Variants in URB1 observed in about 807,000 individuals in gnomAD.
The protein encoded by URB1 is URB1 ribosome biogenesis factor.
In URB1, 197 loss-of-function variants were observed where a neutral mutation model predicts 242.3. The observed-to-expected ratio is 0.81, with a 90% CI of 0.72 to 0.91. The LOEUF is 0.91. Ranked by LOEUF, URB1 falls within the 40% of genes least tolerant of loss-of-function variation. The pLI is 0.00. For synonymous variants in URB1, 1,153 were observed against 1,201.8 expected, an observed-to-expected ratio of 0.96 and a Z score of 0.84; for missense variants, 2,721 against 2,860.5, an observed-to-expected ratio of 0.95 and a Z score of 1.11.
intron 36 of URB1, among the ~76,000 whole-genome samples, chr21:32,318,372 C>G (rs1265518869): frequency 6.6e-6 from 1 of 152,128 alleles, no homozygotes; most frequent in East Asian, 1.9e-4. Context: ...TCCCTGAATT[C>G]CAAGACAGTT....
Position 32,368,497 on chromosome 21 carries a change from G to A in URB1, c.1103C>T (p.Pro368Leu), listed in dbSNP as rs759025984. 7 of 1,551,736 alleles carry A rather than the reference G, an allele frequency of 4.5e-6. No individual in the cohort carries two copies. Among genetic ancestry groups the A allele is most frequent in the African/African-American group, 1.4e-5 (1 of 73,116 alleles). Residue 368 changes from proline to leucine, a missense_variant, in exon 9 of 39, where the codon CCG (proline) becomes CTG (leucine). Coordinates refer to ENST00000382751, the MANE Select transcript of URB1 (RefSeq NM_014825.3). Reference protein sequence around the residue: ...DLVVNILKVCPDLLNKYFKEV... With the variant: ...DLVVNILKVCLDLLNKYFKEV... ...CTTGAAGTATTTGTTCAGTAAGTCC[G>A]GGCACACTTTGAGGATGTTTACCAC...
intron 30 of URB1, among the ~76,000 whole-genome samples, chr21:32,329,721 A>G (rs1176474444): frequency 6.6e-6 from 1 of 152,244 alleles, no homozygotes; most frequent in African/African-American, 2.4e-5. Flanking sequence ...ACTGGCAGCC[A>G]CATATAAAAA....
rs775756936 is a variant in URB1 at position 32,355,496 on chromosome 21, T to C, written c.2059A>G (p.Asn687Asp). The change falls in exon 16 of 39, where the codon AAC (asparagine) becomes GAC (aspartate). Residue 687 changes from asparagine (N) to aspartate (D), a missense_variant. Physicochemically the swap from Asn to Asp is conservative, Grantham distance 23 (BLOSUM62 1). Coordinates refer to ENST00000382751, the MANE Select transcript of URB1 (RefSeq NM_014825.3). ...GTCTCTTTGTCCTCTTCCATGGTGT[T>C]CTCTAAATGCTCCAGCCAGAGCTCC... is the stretch of plus-strand genomic sequence containing the variant. ...ELELWLEHLE[N>D]TMEEDKETVI... 1.9e-6 allele frequency: 3 copies of C among 1,551,804 alleles called. No individual in the cohort carries two copies. Among genetic ancestry groups the C allele is most frequent in the Non-Finnish European group, 2.6e-6 (3 of 1,147,034 alleles).
intron 35 of URB1, among the ~76,000 whole-genome samples, chr21:32,320,012 G>C (rs1467906620): frequency 6.6e-6 from 1 of 152,192 alleles, no homozygotes; most frequent in Non-Finnish European, 1.5e-5. Context: ...AACAGCAGGA[G>C]AATCAGGAAT....
At chr21:32,332,464 G>A (rs1449269708) in intron 30 of URB1, among the ~76,000 whole-genome samples, 3 of 16,500 alleles carry the variant, frequency 1.8e-4, no homozygotes, top group African/African-American at 3.1e-4. Context: ...CTCAATAGTT[G>A]AAAAAAGAAA....
chr21:32,351,812 A>C (rs558361720), intron 19 of URB1, among the ~76,000 whole-genome samples: 15 of 152,342 alleles, frequency 9.8e-5, no homozygotes, highest in African/African-American at 3.1e-4. Flanking sequence ...ACTGTGGCCT[A>C]CGTGTGGGGG....
rs375132843 is a variant in URB1, at chr21:32,361,963, G to T, written c.1568C>A (p.Thr523Asn). 4.0e-5 allele frequency: 62 copies of T among 1,551,448 alleles called. No individual in the cohort carries two copies. The highest frequency in any genetic ancestry group is 5.3e-5 in the Non-Finnish European group (61 of 1,146,906). ...CTGCCCTTTCTTGTCATCCTGTTTG[G>T]TCTCTTGCTTTTTAAGTGACTGCCA... ...WVWQSLKKQE[T>N]KQDDKKGQKR... Residue 523 changes from threonine (T) to asparagine (N), a missense_variant, in exon 12 of 39, where the codon ACC becomes AAC. Physicochemically the swap from Thr to Asn is moderately conservative, Grantham distance 65. Coordinates refer to ENST00000382751, the MANE Select transcript of URB1 (RefSeq NM_014825.3).
Position 32,355,481 on chromosome 21 carries a change from CCTCTTCCATGGTGTT to C in URB1, c.2059_2073del (p.Asn687_Glu691del), listed in dbSNP as rs1354026989. On this transcript the variant is annotated inframe_deletion, in exon 16 of 39. Transcript: ENST00000382751. Reference sequence around the variant, plus strand: ...AGAAACTGAATCACAGTCTCTTTGTCCTCTTCCATGGTGTTCTCTAAATGCTCCAGCCAGAGCTCC... The same window carrying C: ...AGAAACTGAATCACAGTCTCTTTGTCCTCTAAATGCTCCAGCCAGAGCTCC... 4 of 1,551,730 alleles carry C rather than the reference CCTCTTCCATGGTGTT, an allele frequency of 2.6e-6. No homozygotes were observed. In the East Asian group the frequency reaches 9.8e-5, roughly 38 times the overall value.
chr21:32,354,962 G>C lies in URB1; in HGVS notation c.2142C>G (p.Tyr714Ter). 1 of 1,551,998 alleles carries C rather than the reference G, an allele frequency of 6.4e-7. No homozygotes were observed. The highest frequency in any genetic ancestry group is 8.7e-7 in the Non-Finnish European group (1 of 1,146,970). The change falls in exon 17 of 39, where the codon TAC becomes TAG. Residue 714 changes from tyrosine to a stop codon, truncating the protein, a stop_gained. Coordinates refer to ENST00000382751, the MANE Select transcript of URB1 (RefSeq NM_014825.3). LOFTEE classifies it high-confidence loss of function. ...LLTLVANPYS[Y>*]TDKASDFVQE... ...GGACAAAGTCAGATGCTTTGTCTGT[G>C]TATGAATAGGGATTCGCCACCAATG... is the stretch of plus-strand genomic sequence containing the variant.
chr21:32,334,007 T>G (rs2032925850), intron 29 of URB1, among the ~76,000 whole-genome samples, 156 bp downstream of exon 29: 1 of 152,074 alleles, frequency 6.6e-6, no homozygotes, highest in Admixed American at 6.6e-5. Context: ...AGCTGGGCGG[T>G]GGGCTTATGA....
intron 1 of URB1, among the ~76,000 whole-genome samples, chr21:32,389,617 C>T (rs1032667302): frequency 6.6e-6 from 1 of 152,198 alleles, no homozygotes; most frequent in Non-Finnish European, 1.5e-5. Context: ...AGGGGACAGA[C>T]TGATGCAGAC....
intron 4 of URB1, among the ~76,000 whole-genome samples, chr21:32,378,927 CTA>C (rs1375579558): frequency 1.3e-5 from 2 of 152,240 alleles, no homozygotes; most frequent in East Asian, 1.9e-4. Context: ...TGAAAATAAT[CTA>C]TGTTTTTGAA....
rs1388438726 is a variant in URB1, at chr21:32,366,710, C to G, written c.1243G>C (p.Glu415Gln). 1 of 1,551,520 alleles carries G rather than the reference C, an allele frequency of 6.4e-7. No individual in the cohort carries two copies. Among genetic ancestry groups the G allele is most frequent in the Admixed American group, 2.0e-5 (1 of 50,996 alleles). The change falls in exon 10 of 39, where the codon GAG (glutamate) becomes CAG (glutamine). Residue 415 changes from glutamate to glutamine, a missense_variant. By Grantham distance (29) the Glu-to-Gln change is conservative (BLOSUM62 2). Transcript: ENST00000382751. ...AGGAGCCGAGGCAAGGGTATAAACT[C>G]TCTGGTCTGAAATGCCCGGGAAATC... ...PEISRAFQTREFIPLPRLLAM... is the reference protein window; with the variant it reads ...PEISRAFQTRQFIPLPRLLAM...
intron 10 of URB1, among the ~76,000 whole-genome samples, chr21:32,365,188 T>A (rs902926452): frequency 7.9e-5 from 12 of 152,210 alleles, no homozygotes; most frequent in Non-Finnish European, 1.0e-4. Context: ...CTCAGACTTG[T>A]AATCCCAACA....
intron 15 of URB1, 59 bp from the exon 16 acceptor site, chr21:32,355,624 T>C: frequency 7.3e-7 from 1 of 1,371,272 alleles, no homozygotes; most frequent in East Asian, 2.5e-5. Context: ...CTTTCTTTTC[T>C]TTGAGACAGG....
chr21:32,384,613 G>A (rs961332237), intron 2 of URB1, 149 bp from the exon 3 acceptor site: 24 of 1,036,088 alleles, frequency 2.3e-5, no homozygotes, highest in Middle Eastern at 3.0e-4. Context: ...AGTCAAACGC[G>A]ACAGCTTGGC....
chr21:32,317,604 G>C, intron 37 of URB1, 72 bp downstream of exon 37: 1 of 1,515,988 alleles, frequency 6.6e-7, no homozygotes, highest in Non-Finnish European at 8.9e-7. Context: ...GAGACAGAGA[G>C]AGAGGGAGGG....
At chr21:32,319,519 T>C in intron 35 of URB1, 105 bp from the exon 36 acceptor site, 2 of 1,173,402 alleles carry the variant, frequency 1.7e-6, no homozygotes. Flanking sequence ...TAGATAAGCA[T>C]AGTCTCCAAG....
At chr21:32,355,222 C>T (rs1342488876) in intron 16 of URB1, among the ~76,000 whole-genome samples, 2 of 152,106 alleles carry the variant, frequency 1.3e-5, no homozygotes, top group South Asian at 2.1e-4. Context: ...TACCTATTCC[C>T]CTATGCAAAA....
Sources: allele counts gnomAD v4.1 joint callset (sites outside exome capture counted in the v4.1 genomes callset), GRCh38; gene constraint gnomAD v4.1.1; transcripts MANE v1.5; gene names NCBI Gene and HGNC (gene_info 2026-07-23, HGNC 2026-07-21).